ATP9B: variants seen among roughly 807,000 people sequenced by gnomAD.
ATP9B encodes the protein probable phospholipid-transporting ATPase IIB.
In ATP9B, 110 loss-of-function variants were observed where a neutral mutation model predicts 146.1. That is an observed-to-expected ratio of 0.75 (90% CI 0.65 to 0.88). ATP9B has a LOEUF of 0.88. Among genes scored for constraint, ATP9B ranks in the 40% least tolerant of loss-of-function variants. The pLI is 0.00. For missense variants in ATP9B, 1,499 were observed against 1,496.4 expected, an observed-to-expected ratio of 1.00 and a Z score of -0.03; for synonymous variants, 604 against 569.7, an observed-to-expected ratio of 1.06 and a Z score of -0.86.
intron 15 of ATP9B, among the ~76,000 whole-genome samples, chr18:79,325,301 G>C (rs1333361425): frequency 1.3e-5 from 2 of 152,090 alleles, no homozygotes; most frequent in Non-Finnish European, 2.9e-5. Context: ...TTCTGTAGAA[G>C]TGCACGTCGG....
At chr18:79,336,334 T>G (rs1354562578) in intron 17 of ATP9B, among the ~76,000 whole-genome samples, 1 of 152,256 alleles carries the variant, frequency 6.6e-6, no homozygotes, top group African/African-American at 2.4e-5. Context: ...AAAAAGAAGC[T>G]CTGCTAGGCA....
chr18:79,213,113 A>T (rs1441178340), intron 10 of ATP9B, among the ~76,000 whole-genome samples: 1 of 152,180 alleles, frequency 6.6e-6, no homozygotes, highest in Non-Finnish European at 1.5e-5. Context: ...CAGAGTTTTC[A>T]TATAATTATT....
At chr18:79,278,815 C>G (rs1420546392) in intron 13 of ATP9B, among the ~76,000 whole-genome samples, 1 of 152,002 alleles carries the variant, frequency 6.6e-6, no homozygotes, top group Non-Finnish European at 1.5e-5. Flanking sequence ...CCCTTCCCAA[C>G]CTCATGAAGC....
rs571230271 is a variant in ATP9B at position 79,332,083 on chromosome 18, A to G, written c.2028+1979A>G. Among the ~76,000 whole-genome samples the G allele has an allele frequency of 2.6e-5, 4 of 152,384 alleles. No individual in the cohort carries two copies. In the South Asian group the frequency reaches 8.3e-4, roughly 32 times the overall value. On this transcript the variant is annotated intron_variant, in intron 17 of 29. Coordinates refer to ENST00000426216, the MANE Select transcript of ATP9B (RefSeq NM_198531.5). ...TTAACACATTGTGTATGTTACATGAATTATATTCTGCATTGTTACAAGAAA... is the reference window on the plus strand; with the variant it reads ...TTAACACATTGTGTATGTTACATGAGTTATATTCTGCATTGTTACAAGAAA...
chr18:79,306,391 G>T (rs981107339), intron 14 of ATP9B, among the ~76,000 whole-genome samples: 2 of 152,192 alleles, frequency 1.3e-5, no homozygotes, highest in African/African-American at 4.8e-5. Flanking sequence ...CCTAAATGGG[G>T]ACTTGCTTTA....
At chr18:79,148,311 A>G (rs1448142789) in intron 6 of ATP9B, among the ~76,000 whole-genome samples, 1 of 152,250 alleles carries the variant, frequency 6.6e-6, no homozygotes, top group Non-Finnish European at 1.5e-5. Context: ...TGAGGTCAAG[A>G]ATATCTTTAT....
rs113989436 is a variant in ATP9B at position 79,206,969 on chromosome 18, C to A, written c.987C>A (p.Leu329=). 22 of 1,614,124 alleles carry A rather than the reference C, an allele frequency of 1.4e-5. No homozygotes were observed. The South Asian group carries it at 2.2e-4, about 16-fold the overall frequency. ...GTGACCCGCCCATTCATGAAAGTCT[C>A]AGCATAGAAAATACATTGTGGGCAA... ...EDSDPPIHES[L]SIENTLWAST... The change falls in exon 10 of 30, where the codon CTC becomes CTA. Residue 329 remains leucine, a synonymous_variant. Coordinates refer to ENST00000426216, the MANE Select transcript of ATP9B (RefSeq NM_198531.5).
At position 79,098,539 on chromosome 18, in the gene ATP9B, G is replaced by A. The variant is rs867419359; in HGVS notation, c.293+1890G>A. Among the ~76,000 whole-genome samples, 685 of 151,190 alleles carry A rather than the reference G, an allele frequency of 4.5e-3. 9 individuals carry two copies. Among genetic ancestry groups the A allele is most frequent in the African/African-American group, 0.016 (647 of 41,016 alleles). ...ATGAACTCAAACAAATTTACAAGAA[G>A]AAAACAAACAACCCCATCAAAAAGT... is the stretch of plus-strand genomic sequence containing the variant. On this transcript the variant is annotated intron_variant, in intron 2 of 29. Transcript: ENST00000426216.
chr18:79,100,328 CTTGT>C (rs1194458107), intron 2 of ATP9B, among the ~76,000 whole-genome samples: 1 of 152,098 alleles, frequency 6.6e-6, no homozygotes, highest in Non-Finnish European at 1.5e-5. Context: ...TCATGGTTTG[CTTGT>C]TTGTCAGTTA....
chr18:79,294,793 C>A (rs1045644706), intron 13 of ATP9B, among the ~76,000 whole-genome samples: 11 of 152,252 alleles, frequency 7.2e-5, no homozygotes, highest in Admixed American at 2.6e-4. Context: ...TGATATGGCT[C>A]AGATTAGTTT....
intron 3 of ATP9B, among the ~76,000 whole-genome samples, chr18:79,111,979 T>A (rs1192857224): frequency 6.6e-6 from 1 of 152,190 alleles, no homozygotes; most frequent in East Asian, 1.9e-4. Flanking sequence ...AAGAAATCAC[T>A]AAGGAAAAAG....
chr18:79,150,668 TA>T (rs1324129591), intron 6 of ATP9B, among the ~76,000 whole-genome samples: 1 of 152,150 alleles, frequency 6.6e-6, no homozygotes, highest in African/African-American at 2.4e-5. Flanking sequence ...AATAAGGACA[TA>T]AAGAGTCTGA....
chr18:79,370,650 G>C (rs2097063905), intron 26 of ATP9B, among the ~76,000 whole-genome samples: 1 of 152,136 alleles, frequency 6.6e-6, no homozygotes, highest in Non-Finnish European at 1.5e-5. Flanking sequence ...CTATTTTGTT[G>C]ATGTTTTTTG....
chr18:79,306,221 A>G (rs1323376806), intron 14 of ATP9B, among the ~76,000 whole-genome samples: 1 of 152,258 alleles, frequency 6.6e-6, no homozygotes, highest in Non-Finnish European at 1.5e-5. Context: ...CTCCGAAGTT[A>G]ACTGAAGAAA....
At chr18:79,289,180 G>A (rs1239059774) in intron 13 of ATP9B, among the ~76,000 whole-genome samples, 2 of 152,104 alleles carry the variant, frequency 1.3e-5, no homozygotes, top group Non-Finnish European at 2.9e-5. Flanking sequence ...AGATTGGGGA[G>A]GTTCTCCTGG....
chr18:79,256,433 G>T (rs908531361), intron 12 of ATP9B, among the ~76,000 whole-genome samples: 1 of 150,660 alleles, frequency 6.6e-6, no homozygotes, highest in Non-Finnish European at 1.5e-5. Context: ...TACACTTACT[G>T]TGATTAATAC....
intron 12 of ATP9B, among the ~76,000 whole-genome samples, chr18:79,273,229 A>G (rs181392897): frequency 6.6e-6 from 1 of 152,330 alleles, no homozygotes; most frequent in East Asian, 1.9e-4. Context: ...CTCATAGGAA[A>G]TAGAACACGT....
At chr18:79,318,543 A>G (rs1013858049) in intron 15 of ATP9B, among the ~76,000 whole-genome samples, 1 of 152,240 alleles carries the variant, frequency 6.6e-6, no homozygotes, top group African/African-American at 2.4e-5. Context: ...CATGAAAACT[A>G]AATGTGACAT....
chr18:79,152,059 A>G (rs2094698767), intron 6 of ATP9B, among the ~76,000 whole-genome samples: 1 of 152,266 alleles, frequency 6.6e-6, no homozygotes, highest in Admixed American at 6.5e-5. Context: ...TATGCAGCCA[A>G]CAAACATGAA....
Sources: allele counts gnomAD v4.1 joint callset (sites outside exome capture counted in the v4.1 genomes callset), GRCh38; gene constraint gnomAD v4.1.1; transcripts MANE v1.5; gene names NCBI Gene and HGNC (gene_info 2026-07-23, HGNC 2026-07-21).